Variants in LUC7L2 observed in about 807,000 individuals in gnomAD.
LUC7L2 encodes the protein LUC7 like 2, pre-mRNA splicing factor.
Under a neutral mutation model 52.8 loss-of-function variants are expected in LUC7L2, and 25 were observed. The ratio of observed to expected loss-of-function variants is 0.47; its 90% confidence interval spans 0.34 to 0.66. LUC7L2 has a LOEUF of 0.66. Among genes scored for constraint, LUC7L2 ranks in the 30% least tolerant of loss-of-function variants. The pLI, the probability that LUC7L2 is intolerant of heterozygous loss-of-function variation, is 0.01. For missense variants in LUC7L2, 328 were observed against 497.8 expected (o/e 0.66, Z 3.25); for synonymous variants, 144 against 160.9 (o/e 0.89, Z 0.80).
rs1416998813 is a variant in LUC7L2, at chr7:139,376,218, A to G, written c.156+62A>G. The stretch of plus-strand genomic sequence containing the variant: ...ATGCTGCAGTAATGAACTACTTGAT[A>G]AAGTCTTAATTCTGTGTCAAAAGAA... On this transcript the variant is annotated intron_variant, in intron 2 of 9. Transcript: ENST00000354926. 5.2e-6 allele frequency: 8 copies of G among 1,542,578 alleles called. No individual in the cohort carries two copies. The East Asian group carries it at 1.4e-4, about 26-fold the overall frequency.
At chr7:139,410,945 TGAGA>T (rs111728038) in intron 7 of LUC7L2, among the ~76,000 whole-genome samples, 3 of 151,766 alleles carry the variant, frequency 2.0e-5, no homozygotes, top group Admixed American at 6.6e-5. Flanking sequence ...AGTCCTCTAT[TGAGA>T]GAGAGAGATT....
chr7:139,373,870 C>A (rs1343913682), intron 1 of LUC7L2, among the ~76,000 whole-genome samples: 2 of 152,194 alleles, frequency 1.3e-5, no homozygotes, highest in South Asian at 4.1e-4. Context: ...CATTTAGATA[C>A]TTTTAGCAGG....
rs539259650 is a variant in LUC7L2, at chr7:139,389,563, T to C, written c.157-9036T>C. On this transcript the variant is annotated intron_variant, in intron 2 of 9. Transcript: ENST00000354926. ...TTCACTTGTCCTAGAAACCTCCTCATACACACTGATATTTAATAAAGATAG... is the reference window on the plus strand; with the variant it reads ...TTCACTTGTCCTAGAAACCTCCTCACACACACTGATATTTAATAAAGATAG... Among the ~76,000 whole-genome samples, 12 of 152,320 alleles carry C rather than the reference T, an allele frequency of 7.9e-5. No homozygotes were observed. The East Asian group carries it at 2.3e-3, about 29-fold the overall frequency.
Position 139,422,389 on chromosome 7 carries a change from A to G in LUC7L2, c.*49A>G, listed in dbSNP as rs1038612969. The G allele has an allele frequency of 1.3e-6, 2 of 1,559,876 alleles. No homozygotes were observed. Among genetic ancestry groups the G allele is most frequent in the Non-Finnish European group, 1.7e-6 (2 of 1,156,050 alleles). On this transcript the variant is annotated 3_prime_UTR_variant, in exon 10 of 10. Transcript: ENST00000354926. Reference sequence around the variant, plus strand: ...CCTTAAGCTTCCTACGGAGTTACGTACTATTGTTTAGTTCACAGCTGTTCA... The same window carrying G: ...CCTTAAGCTTCCTACGGAGTTACGTGCTATTGTTTAGTTCACAGCTGTTCA...
rs60534122 is a variant in LUC7L2 at position 139,410,298 on chromosome 7, A to AT, written c.779+654dup. 2.0e-3 allele frequency among the ~76,000 whole-genome samples: 302 copies of AT among 150,096 alleles called. 2 individuals are homozygous for AT. The highest frequency in any genetic ancestry group is 5.0e-3 in the African/African-American group (206 of 41,296). On this transcript the variant is annotated intron_variant, in intron 7 of 9. Coordinates refer to ENST00000354926, the MANE Select transcript of LUC7L2 (RefSeq NM_016019.5). ...TGCACCAGGTTAGCATAGAATTATT[A>AT]TTTTTTTTTTATGATGTATTTTGTT...
chr7:139,353,403 G>A (rs143800547), intron 1 of LUC7L2, among the ~76,000 whole-genome samples: 1 of 152,222 alleles, frequency 6.6e-6, no homozygotes, highest in African/African-American at 2.4e-5. Flanking sequence ...TAAATGTATA[G>A]TTTAATCCTA....
rs564326414 is a variant in LUC7L2 at position 139,407,672 on chromosome 7, AATAAT to A, written c.687+330_687+334del. Among the ~76,000 whole-genome samples, 20 of 151,966 alleles carry A rather than the reference AATAAT, an allele frequency of 1.3e-4. No individual in the cohort carries two copies. In the South Asian group the frequency reaches 2.7e-3, roughly 20 times the overall value. ...TTTTCAATAAGGTCAATAAGAATGT[AATAAT>A]ATAATATTTATAAGAAGTTTGAGAA... On this transcript the variant is annotated intron_variant, in intron 6 of 9. Coordinates refer to ENST00000354926, the MANE Select transcript of LUC7L2 (RefSeq NM_016019.5).
intron 8 of LUC7L2, chr7:139,412,845 A>G (rs866465525): frequency 0.011 from 2,316 of 218,642 alleles, 69 homozygotes; most frequent in African/African-American, 0.057. Flanking sequence ...AAAAAAAAAA[A>G]AAAGAAAATT....
chr7:139,407,140 T>A (rs1423735560), intron 5 of LUC7L2, 34 bp from the exon 6 acceptor site: 1 of 1,588,198 alleles, frequency 6.3e-7, no homozygotes, highest in Non-Finnish European at 8.6e-7. Context: ...TTAGTGAGAT[T>A]TATATGGTCA....
At chr7:139,383,802 C>T (rs896324073) in intron 2 of LUC7L2, among the ~76,000 whole-genome samples, 15 of 145,030 alleles carry the variant, frequency 1.0e-4, no homozygotes, top group African/African-American at 3.2e-4. Flanking sequence ...GGTGTGATCT[C>T]GGCTCACTGC....
In LUC7L2 at chr7:139,402,146, C is replaced by A; in HGVS notation, c.265C>A (p.His89Asn). 6.3e-7 allele frequency: 1 copy of A among 1,597,100 alleles called. No homozygotes were observed. The highest frequency in any genetic ancestry group is 1.1e-5 in the South Asian group (1 of 87,070). ...DFFFELDAMD[H>N]LQSFIADCDR... ...TAATTAAACTTTGTAGGCCATGGAT[C>A]ATCTGCAGTCATTCATTGCAGATTG... Residue 89 changes from histidine to asparagine, a missense_variant, in exon 4 of 10, where the codon CAT becomes AAT. His to Asn is a moderately conservative substitution (Grantham distance 68). This residue lies in a region of LUC7L2 where 133 missense variants were observed against 274.4 expected (regional missense o/e 0.48). Transcript: ENST00000354926.
chr7:139,347,316 G>A (rs1799299882), intron 1 of LUC7L2, among the ~76,000 whole-genome samples: 1 of 151,060 alleles, frequency 6.6e-6, no homozygotes, highest in South Asian at 2.1e-4. Context: ...AGCCGGGTGT[G>A]GTGGCTCACA....
intron 1 of LUC7L2, among the ~76,000 whole-genome samples, chr7:139,362,123 T>C (rs1390648577): frequency 6.6e-6 from 1 of 152,094 alleles, no homozygotes; most frequent in Non-Finnish European, 1.5e-5. Context: ...TTTTTTAACC[T>C]TCAGACTTAG....
chr7:139,345,298 T>C (rs1191512198), intron 1 of LUC7L2, among the ~76,000 whole-genome samples: 2 of 152,154 alleles, frequency 1.3e-5, no homozygotes, highest in African/African-American at 4.8e-5. Flanking sequence ...CAACTCCTTT[T>C]AAAAATCCGA....
At chr7:139,392,809 C>T (rs1297518035) in intron 2 of LUC7L2, among the ~76,000 whole-genome samples, 3 of 152,002 alleles carry the variant, frequency 2.0e-5, no homozygotes, top group Non-Finnish European at 2.9e-5. Context: ...TGCACCACCA[C>T]GCCCGGCTAA....
At chr7:139,416,058 T>C (rs1191302689) in intron 8 of LUC7L2, 1 of 40,042 alleles carries the variant, frequency 2.5e-5, no homozygotes, top group South Asian at 7.2e-4. Flanking sequence ...TATATATATA[T>C]ATATATATAT....
chr7:139,368,813 C>G (rs1209930229), intron 1 of LUC7L2, among the ~76,000 whole-genome samples: 1 of 151,468 alleles, frequency 6.6e-6, no homozygotes, highest in African/African-American at 2.4e-5. Flanking sequence ...CCGTCTCAGT[C>G]CTTTCCCCAG....
At chr7:139,414,388 C>T (rs1184747091) in intron 8 of LUC7L2, among the ~76,000 whole-genome samples, 7 of 152,162 alleles carry the variant, frequency 4.6e-5, no homozygotes, top group Non-Finnish European at 8.8e-5. Flanking sequence ...GCAAAGAAAT[C>T]TCATAATATT....
rs768095468 is a variant in LUC7L2, at chr7:139,417,691, C to T, written c.963C>T (p.His321=). Residue 321 remains histidine (H), a synonymous_variant, in exon 9 of 10, where the codon CAC becomes CAT. Transcript: ENST00000354926. The stretch of plus-strand genomic sequence containing the variant: ...GCCGTAGCCACCAGAGAAGTCGGCA[C>T]AGTTCTAGAGATAGGAGCAGAGAAC... The part of the protein sequence containing the change: ...SRSRSHQRSR[H]SSRDRSRERS... 6.2e-7 allele frequency: 1 copy of T among 1,614,070 alleles called. No homozygotes were observed. The highest frequency in any genetic ancestry group is 8.5e-7 in the Non-Finnish European group (1 of 1,180,022).
Sources: allele counts gnomAD v4.1 joint callset (sites outside exome capture counted in the v4.1 genomes callset), GRCh38; gene constraint gnomAD v4.1.1; regional missense constraint gnomAD v4.1.1; transcripts MANE v1.5; gene names NCBI Gene and HGNC (gene_info 2026-07-23, HGNC 2026-07-21).